RPAP1: variants seen among roughly 807,000 people sequenced by gnomAD.
RPAP1 encodes the protein RNA polymerase II associated protein 1, also known as RNA polymerase II-associated protein 1.
A neutral mutation model predicts 142.4 loss-of-function variants in RPAP1; 109 were observed. That is an observed-to-expected ratio of 0.77 (90% CI 0.66 to 0.90). The LOEUF (loss-of-function observed/expected upper bound fraction) is 0.90, where lower values mean the gene tolerates loss of function less well. Ranked by LOEUF, RPAP1 falls within the 40% of genes least tolerant of loss-of-function variation. The pLI is 0.00. For synonymous variants in RPAP1, 704 were observed against 738.9 expected (o/e 0.95, Z 0.77); for missense variants, 1,546 against 1,751.7 (o/e 0.88, Z 2.10).
chr15:41,529,971 A>G lies in RPAP1; in HGVS notation c.952T>C (p.Leu318=), dbSNP rs1183934382. 6.2e-7 allele frequency: 1 copy of G among 1,613,858 alleles called. No individual in the cohort carries two copies. Among genetic ancestry groups the G allele is most frequent in the Non-Finnish European group, 8.5e-7 (1 of 1,179,882 alleles). ...CATTCTTTCTGAGGGGTCACGGGCA[A>G]TGCCAGAGCTGGGGAGACAAAGCAT... ...KLEPEAPALA[L]PVTPQKEWLH... Residue 318 remains leucine (L), a synonymous_variant, in exon 8 of 25, where the codon TTG becomes CTG. Transcript: ENST00000304330.
Position 41,524,205 on chromosome 15 carries a change from GCT to G in RPAP1, c.2123_2124del (p.Glu708AlafsTer34). ...LMRALQVVPRELSTHPPQPLS... is the reference protein window; with the variant it reads ...LMRALQVVPRXLSTHPPQPLS... ...AGGGGTTGAGGTGGGTGGGTGCTGA[GCT>G]CCCGCGGCACCACCTGCAAGGCCCG... On this transcript the variant is annotated frameshift_variant, in exon 16 of 25. Transcript: ENST00000304330. LOFTEE classifies it high-confidence loss of function. 6.4e-7 allele frequency: 1 copy of G among 1,567,046 alleles called. No individual in the cohort carries two copies. Among genetic ancestry groups the G allele is most frequent in the South Asian group, 1.2e-5 (1 of 84,304 alleles).
intron 6 of RPAP1, among the ~76,000 whole-genome samples, chr15:41,531,623 ATATAT>A (rs1441505164): frequency 5.6e-5 from 2 of 35,408 alleles, no homozygotes; most frequent in East Asian, 1.7e-3. Context: ...ATATATATAT[ATATAT>A]TTTTTTTTTT....
In RPAP1 at chr15:41,527,990, C is replaced by T; in HGVS notation, c.1298G>A (p.Ser433Asn). Residue 433 changes from serine to asparagine, a missense_variant, in exon 11 of 25, where the codon AGT becomes AAT. Physicochemically the swap from Ser to Asn is conservative, Grantham distance 46. Transcript: ENST00000304330. ...AGEFGDRLAGSVLSLLLDAGF... is the reference protein window; with the variant it reads ...AGEFGDRLAGNVLSLLLDAGF... ...AGCATCCAAAAGGAGGCTTAAGACA[C>T]TGCCTGCTAGCCGGTCCCCAAACTC... 6.2e-7 allele frequency: 1 copy of T among 1,614,082 alleles called. No individual in the cohort carries two copies. Among genetic ancestry groups the T allele is most frequent in the Non-Finnish European group, 8.5e-7 (1 of 1,179,998 alleles).
chr15:41,523,097 AC>A, intron 18 of RPAP1, 137 bp from the exon 19 acceptor site: 2 of 915,124 alleles, frequency 2.2e-6, no homozygotes, highest in Non-Finnish European at 3.2e-6. Context: ...CTCAGAGCCC[AC>A]CCCACTGCTG....
Position 41,520,689 on chromosome 15 carries a change from T to C in RPAP1, c.3497A>G (p.Asp1166Gly). Residue 1166 changes from aspartate to glycine, a missense_variant, in exon 22 of 25, where the codon GAC (aspartate) becomes GGC (glycine). Asp to Gly is a moderately conservative substitution (Grantham distance 94). Around this residue, in one of 3 missense-constraint regions of RPAP1, gnomAD observed 1,333 missense variants for 1,486.6 expected, o/e 0.90. Coordinates refer to ENST00000304330, the MANE Select transcript of RPAP1 (RefSeq NM_015540.4). ...LARLMCVFLV[D>G]SELFRESPVQ... ...TGGGGACTCCCGGAACAGCTCACTG[T>C]CCACCAGGAACACACACATGAGCCG... The C allele has an allele frequency of 2.5e-6, 4 of 1,614,086 alleles. No homozygotes were observed. Among genetic ancestry groups the C allele is most frequent in the Non-Finnish European group, 3.4e-6 (4 of 1,180,024 alleles).
intron 6 of RPAP1, among the ~76,000 whole-genome samples, chr15:41,533,835 T>C (rs1469184055): frequency 8.5e-6 from 1 of 117,254 alleles, no homozygotes; most frequent in East Asian, 2.6e-4. Context: ...GAAAAATCCG[T>C]CTTAAAAAAA....
chr15:41,540,700 G>A (rs1036635965), intron 1 of RPAP1, among the ~76,000 whole-genome samples: 7 of 152,190 alleles, frequency 4.6e-5, no homozygotes, highest in African/African-American at 1.4e-4. Context: ...CTAGGATTAG[G>A]ATTCAATCCC....
intron 6 of RPAP1, among the ~76,000 whole-genome samples, chr15:41,531,821 A>T (rs1443391590): frequency 6.7e-6 from 1 of 149,592 alleles, no homozygotes; most frequent in East Asian, 2.0e-4. Context: ...TTGTATTTTT[A>T]CTAGAGACGG....
chr15:41,534,619 ACTC>A, intron 6 of RPAP1, 92 bp downstream of exon 6: 1 of 697,834 alleles, frequency 1.4e-6, no homozygotes, highest in Non-Finnish European at 2.4e-6. Context: ...GCATTAAAGT[ACTC>A]AGCACAGTGC....
intron 7 of RPAP1, among the ~76,000 whole-genome samples, chr15:41,530,483 G>C (rs1459401571): frequency 5.3e-5 from 8 of 152,164 alleles, no homozygotes; most frequent in African/African-American, 1.4e-4. Context: ...AGCTCCTCCG[G>C]GGGCATGAGG....
Position 41,527,334 on chromosome 15 carries a change from T to C in RPAP1, c.1612-33A>G. On this transcript the variant is annotated intron_variant, in intron 12 of 24. Coordinates refer to ENST00000304330, the MANE Select transcript of RPAP1 (RefSeq NM_015540.4). Reference sequence around the variant, plus strand: ...TTGGAGAGAGAAACCCACTGACAAATGCAGCTGGACCCTGGGCATTGATGG... The same window carrying C: ...TTGGAGAGAGAAACCCACTGACAAACGCAGCTGGACCCTGGGCATTGATGG... The C allele has an allele frequency of 2.5e-6, 4 of 1,613,864 alleles. No homozygotes were observed. In the South Asian group the frequency reaches 3.3e-5, roughly 13 times the overall value.
chr15:41,533,980 G>T (rs1371939590), intron 6 of RPAP1, among the ~76,000 whole-genome samples: 2 of 151,748 alleles, frequency 1.3e-5, no homozygotes, highest in Non-Finnish European at 2.9e-5. Context: ...AAATTAGTTG[G>T]GTATGGTGGT....
chr15:41,520,286 G>T, intron 22 of RPAP1, 105 bp downstream of exon 22: 3 of 1,269,764 alleles, frequency 2.4e-6, no homozygotes, highest in Non-Finnish European at 2.2e-6. Flanking sequence ...CCCCCAAGAG[G>T]TAAGATGAGG....
chr15:41,520,409 C>T lies in RPAP1; in HGVS notation c.3777G>A (p.Leu1259=), dbSNP rs749748741. The change falls in exon 22 of 25, where the codon CTG becomes CTA. Residue 1259 remains leucine, a synonymous_variant. Transcript: ENST00000304330. ...AAAGTACCTGGGTCAGAGGCAGGCT[C>T]AGAGCTCGCAAGGCTCCCACGTGTT... ...FGEHVGALRA[L]SLPLTQLPVS... The T allele has an allele frequency of 1.2e-6, 2 of 1,613,458 alleles. No individual in the cohort carries two copies. Among genetic ancestry groups the T allele is most frequent in the African/African-American group, 2.7e-5 (2 of 74,914 alleles).
In RPAP1 at chr15:41,520,812, G is replaced by A; in HGVS notation, c.3374C>T (p.Thr1125Ile). ...CAGGACCCGCATGGCTGTGCCCATG[G>A]TGTCTGTGGGAGAGAGTCCCGAGGG... Reference protein sequence around the residue: ...DTPSGLSPTDTMGTAMRVLQW... With the variant: ...DTPSGLSPTDIMGTAMRVLQW... Residue 1125 changes from threonine to isoleucine, a missense_variant, in exon 22 of 25, where the codon ACC (threonine) becomes ATC (isoleucine). Physicochemically the swap from Thr to Ile is moderately conservative, Grantham distance 89. Coordinates refer to ENST00000304330, the MANE Select transcript of RPAP1 (RefSeq NM_015540.4). The A allele has an allele frequency of 1.2e-6, 2 of 1,613,922 alleles. No individual in the cohort carries two copies. The highest frequency in any genetic ancestry group is 8.5e-7 in the Non-Finnish European group (1 of 1,180,042).
intron 20 of RPAP1, 79 bp downstream of exon 20, chr15:41,522,019 G>C (rs1369273228): frequency 6.4e-7 from 1 of 1,574,438 alleles, no homozygotes; most frequent in African/African-American, 1.3e-5. Flanking sequence ...GCATGGCCTG[G>C]CAGAAGCAGG....
In RPAP1 at chr15:41,536,546, C is replaced by T; in HGVS notation, c.285G>A (p.Leu95=). The T allele has an allele frequency of 6.2e-7, 1 of 1,614,214 alleles. No individual in the cohort carries two copies. The highest frequency in any genetic ancestry group is 8.5e-7 in the Non-Finnish European group (1 of 1,180,038). ...LPEDEDPEER[L]RRHDQHITAV... is the part of the protein sequence containing the mutation. ...CAGTGATGTGCTGATCATGCCTCCTCAGCCTCTCTTCTGGGTCCTCATCCT... is the reference window on the plus strand; with the variant it reads ...CAGTGATGTGCTGATCATGCCTCCTTAGCCTCTCTTCTGGGTCCTCATCCT... The change falls in exon 3 of 25, where the codon CTG becomes CTA. Residue 95 remains leucine (L), a synonymous_variant. Transcript: ENST00000304330.
At position 41,523,978 on chromosome 15, in the gene RPAP1, A is replaced by G. The variant is rs1481529950; in HGVS notation, c.2235-6T>C. 2.5e-6 allele frequency: 4 copies of G among 1,613,544 alleles called. No individual in the cohort carries two copies. Among genetic ancestry groups the G allele is most frequent in the African/African-American group, 1.3e-5 (1 of 74,920 alleles). On this transcript the variant is annotated splice_polypyrimidine_tract_variant and splice_region_variant and intron_variant, in intron 16 of 24. Transcript: ENST00000304330. ...GGCTGGCCTCAGCAGAATCACTACA[A>G]AAGTGCCAAAGGGTGCCACAGTGAG...
At position 41,544,237 on chromosome 15, in the gene RPAP1, G is replaced by C. The variant is rs1003196472; in HGVS notation, c.-95C>G. On this transcript the variant is annotated 5_prime_UTR_variant, in exon 1 of 25. Transcript: ENST00000304330. ...CACCTACGTGCTCCAGGCCTGTCTG[G>C]GCGCCGCCATCTTGCCCCGCAGAGA... 1 of 152,142 alleles carries C rather than the reference G, an allele frequency of 6.6e-6. No homozygotes were observed. Among genetic ancestry groups the C allele is most frequent in the Non-Finnish European group, 1.5e-5 (1 of 68,206 alleles). 9.4% of individuals were successfully genotyped at this position (152,142 alleles called of 1,614,324 possible).
Sources: gnomAD v4.1 joint callset for allele counts (sites outside exome capture counted in the v4.1 genomes callset) on GRCh38, gnomAD v4.1.1 for gene constraint, gnomAD v4.1.1 regional missense constraint, MANE v1.5 for transcripts, NCBI Gene and HGNC (gene_info 2026-07-23, HGNC 2026-07-21) for gene names.